The following CLVS2 variants were observed in gnomAD, a reference collection of about 807,000 sequenced individuals.
The protein encoded by CLVS2 is clavesin-2.
CLVS2 carries 19 observed loss-of-function variants against 29.0 expected under a neutral mutation model. That is an observed-to-expected ratio of 0.66 (90% CI 0.46 to 0.96). The LOEUF (loss-of-function observed/expected upper bound fraction) is 0.96, where lower values mean the gene tolerates loss of function less well. CLVS2 is among the 40% of genes least tolerant of loss of function. The pLI is 0.00. For synonymous variants in CLVS2, 161 were observed against 151.3 expected (o/e 1.06, Z -0.47); for missense variants, 294 against 404.1 (o/e 0.73, Z 2.34).
intron 2 of CLVS2, among the ~76,000 whole-genome samples, chr6:123,000,040 C>G (rs1222781698): frequency 6.6e-6 from 1 of 152,058 alleles, no homozygotes; most frequent in East Asian, 1.9e-4. Context: ...CCCTAGAAAT[C>G]TATAATGGAA....
At chr6:123,046,521 TGGTG>T (rs781093989) in intron 3 of CLVS2, among the ~76,000 whole-genome samples, 9 of 151,832 alleles carry the variant, frequency 5.9e-5, no homozygotes, top group Non-Finnish European at 1.3e-4. Flanking sequence ...TAGCCGGGCG[TGGTG>T]GTGCATGCCT....
In CLVS2 at chr6:123,072,253, G is replaced by A. The variant is rs1772961604; in HGVS notation, c.*8492G>A. The A allele has an allele frequency of 6.6e-6, 1 of 152,016 alleles. No individual in the cohort carries two copies. Among genetic ancestry groups the A allele is most frequent in the South Asian group, 2.1e-4 (1 of 4,830 alleles). 9.4% of individuals were successfully genotyped at this position (152,016 alleles called of 1,614,324 possible). A position where few individuals can be genotyped will look rare whatever the true frequency, so the allele number is the denominator to read the frequency against. On this transcript the variant is annotated 3_prime_UTR_variant, in exon 6 of 6. Coordinates refer to ENST00000275162, the MANE Select transcript of CLVS2 (RefSeq NM_001010852.4). Reference sequence around the variant, plus strand: ...GACACTGAATTTAAAGAATCAGCAGGTGATGTTGAAGAAGAAATATAACCT... The same window carrying A: ...GACACTGAATTTAAAGAATCAGCAGATGATGTTGAAGAAGAAATATAACCT...
rs963948779 is a variant in CLVS2 at position 123,064,897 on chromosome 6, T to C, written c.*1136T>C. The C allele has an allele frequency of 2.6e-5, 4 of 151,890 alleles. No homozygotes were observed. The highest frequency in any genetic ancestry group is 6.6e-5 in the Admixed American group (1 of 15,212). 9.4% of individuals were successfully genotyped at this position (151,890 alleles called of 1,614,324 possible). A position where few individuals can be genotyped will look rare whatever the true frequency, so the allele number is the denominator to read the frequency against. On this transcript the variant is annotated 3_prime_UTR_variant, in exon 6 of 6. Transcript: ENST00000275162. Reference sequence around the variant, plus strand: ...TTCCAAGTTAATTTATAATGCAATCTTACATATGTGCCATCTTATTTGAAC... The same window carrying C: ...TTCCAAGTTAATTTATAATGCAATCCTACATATGTGCCATCTTATTTGAAC...
chr6:123,033,198 A>C (rs549413853), intron 3 of CLVS2, among the ~76,000 whole-genome samples: 1 of 152,112 alleles, frequency 6.6e-6, no homozygotes, highest in Admixed American at 6.6e-5. Flanking sequence ...GAATTATTTT[A>C]TTAAAAATCA....
At chr6:123,055,665 G>A in intron 4 of CLVS2, 141 bp from the exon 5 acceptor site, 3 of 651,172 alleles carry the variant, frequency 4.6e-6, no homozygotes, top group South Asian at 3.5e-5. Context: ...GTTTTACAGA[G>A]TAGATGACTG....
At chr6:123,026,061 A>G (rs1774996754) in intron 3 of CLVS2, among the ~76,000 whole-genome samples, 1 of 152,124 alleles carries the variant, frequency 6.6e-6, no homozygotes, top group Non-Finnish European at 1.5e-5. Context: ...AAGGAAATAG[A>G]GTGAGACAGA....
intron 3 of CLVS2, among the ~76,000 whole-genome samples, chr6:123,014,376 A>G (rs897062752): frequency 5.3e-5 from 8 of 152,084 alleles, no homozygotes; most frequent in African/African-American, 1.7e-4. Flanking sequence ...TGACCTGGCT[A>G]GCACCATATA....
rs1274242430 is a variant in CLVS2 at position 123,069,728 on chromosome 6, T to C, written c.*5967T>C. On this transcript the variant is annotated 3_prime_UTR_variant, in exon 6 of 6. Coordinates refer to ENST00000275162, the MANE Select transcript of CLVS2 (RefSeq NM_001010852.4). ...TCGTTACAAAAAAGTGCGTTCCTTC[T>C]TCAGGAGGATCGAGTAGAAAATATT... The C allele has an allele frequency of 6.6e-6, 1 of 151,826 alleles. No individual in the cohort carries two copies. Among genetic ancestry groups the C allele is most frequent in the Non-Finnish European group, 1.5e-5 (1 of 67,858 alleles). 9.4% of individuals were successfully genotyped at this position (151,826 alleles called of 1,614,324 possible).
chr6:122,999,698 G>A (rs921813482), intron 2 of CLVS2, among the ~76,000 whole-genome samples: 9 of 152,122 alleles, frequency 5.9e-5, no homozygotes, highest in African/African-American at 2.2e-4. Context: ...CTAATATTCT[G>A]TATGTCAGAT....
chr6:123,047,100 C>T (rs901194833), intron 3 of CLVS2, among the ~76,000 whole-genome samples: 1 of 152,004 alleles, frequency 6.6e-6, no homozygotes, highest in African/African-American at 2.4e-5. Flanking sequence ...CTTAGGGAAA[C>T]ATTAAACTAG....
chr6:123,033,416 G>A (rs780494513), intron 3 of CLVS2, among the ~76,000 whole-genome samples: 6 of 151,978 alleles, frequency 3.9e-5, no homozygotes, highest in Non-Finnish European at 8.8e-5. Context: ...ACACAAATAT[G>A]TCCAACTGAT....
At chr6:122,999,165 T>G (rs1774553644) in intron 2 of CLVS2, among the ~76,000 whole-genome samples, 1 of 152,190 alleles carries the variant, frequency 6.6e-6, no homozygotes, top group Non-Finnish European at 1.5e-5. Flanking sequence ...TGGTGTATTT[T>G]TAGTTCTGTG....
At chr6:123,019,650 T>C (rs1011399564) in intron 3 of CLVS2, among the ~76,000 whole-genome samples, 3 of 152,040 alleles carry the variant, frequency 2.0e-5, no homozygotes, top group Non-Finnish European at 2.9e-5. Context: ...AAAGGTAAAT[T>C]ATTCCTGTAA....
Position 123,026,056 on chromosome 6 carries a change from A to G in CLVS2, c.564+14897A>G, listed in dbSNP as rs777886135. Among the ~76,000 whole-genome samples the G allele has an allele frequency of 3.9e-5, 6 of 152,228 alleles. No homozygotes were observed. The East Asian group carries it at 5.8e-4, about 15-fold the overall frequency. ...CCACATAGTAGGCATATAGTAAGGA[A>G]ATAGAGTGAGACAGATTTCTATGAA... On this transcript the variant is annotated intron_variant, in intron 3 of 5. Transcript: ENST00000275162.
chr6:123,011,214 C>A, intron 3 of CLVS2, 55 bp downstream of exon 3: 2 of 1,301,866 alleles, frequency 1.5e-6, no homozygotes, highest in South Asian at 1.7e-5. Context: ...CTTCTCTTGT[C>A]TAATGTGTTA....
intron 2 of CLVS2, among the ~76,000 whole-genome samples, chr6:123,004,947 A>C (rs1191947702): frequency 1.6e-5 from 1 of 61,570 alleles, no homozygotes; most frequent in Non-Finnish European, 2.8e-5. Flanking sequence ...CAAAAACAAA[A>C]AACAAAAAAA....
At chr6:123,048,595 AT>A in intron 3 of CLVS2, 26 bp from the exon 4 acceptor site, 2 of 1,461,974 alleles carry the variant, frequency 1.4e-6, no homozygotes, top group Non-Finnish European at 1.9e-6. Flanking sequence ...GCATATTTTG[AT>A]TGTTTTTTTC....
intron 4 of CLVS2, among the ~76,000 whole-genome samples, chr6:123,052,047 A>G (rs1404900127): frequency 6.6e-6 from 1 of 152,168 alleles, no homozygotes; most frequent in Non-Finnish European, 1.5e-5. Context: ...TTTTTCAACA[A>G]ATCTTGGCTT....
Position 122,996,587 on chromosome 6 carries a change from T to G in CLVS2, c.-719T>G, listed in dbSNP as rs1189982975. ...GTGGCCGCGGCTGCTCCCGAGCGCA[T>G]CTTCGGCCCGGGTCCCCGCCGCCAC... On this transcript the variant is annotated 5_prime_UTR_variant, in exon 1 of 6. Coordinates refer to ENST00000275162, the MANE Select transcript of CLVS2 (RefSeq NM_001010852.4). 6.5e-6 allele frequency: 1 copy of G among 153,300 alleles called. No individual in the cohort carries two copies. The allele number at this position is 153,300 out of a possible 1,614,324, so 9.5% of individuals were successfully genotyped here.
Sources: allele counts gnomAD v4.1 joint callset (sites outside exome capture counted in the v4.1 genomes callset), GRCh38; gene constraint gnomAD v4.1.1; transcripts MANE v1.5; gene names NCBI Gene and HGNC (gene_info 2026-07-23, HGNC 2026-07-21).